The following KHDRBS2 variants were observed in gnomAD, a reference collection of about 807,000 sequenced individuals.
The protein encoded by KHDRBS2 is KH domain-containing, RNA-binding, signal transduction-associated protein 2.
Under a neutral mutation model 44.3 loss-of-function variants are expected in KHDRBS2, and 26 were observed. The ratio of observed to expected loss-of-function variants is 0.59; its 90% CI spans 0.43 to 0.81. The LOEUF is 0.81. Ranked by LOEUF, KHDRBS2 falls within the 40% of genes least tolerant of loss-of-function variation. The pLI is 0.00. For synonymous variants in KHDRBS2, 194 were observed against 151.1 expected (o/e 1.28, Z -2.08); for missense variants, 476 against 433.1 (o/e 1.10, Z -0.88).
chr6:61,895,612 C>A (rs1802798315), intron 5 of KHDRBS2, among the ~76,000 whole-genome samples: 1 of 152,156 alleles, frequency 6.6e-6, no homozygotes, highest in Non-Finnish European at 1.5e-5. Context: ...AGTGTAAGAT[C>A]AAATGGTTGT....
chr6:61,805,930 A>G (rs979118990), intron 6 of KHDRBS2, among the ~76,000 whole-genome samples: 3 of 152,190 alleles, frequency 2.0e-5, no homozygotes, highest in African/African-American at 7.2e-5. Flanking sequence ...AGAGAGGAAC[A>G]TAGAGGCAGT....
chr6:61,734,369 T>A (rs1420194727), intron 6 of KHDRBS2, among the ~76,000 whole-genome samples: 1 of 152,146 alleles, frequency 6.6e-6, no homozygotes, highest in Non-Finnish European at 1.5e-5. Flanking sequence ...ACAAACAAGC[T>A]TATGTCCCCA....
intron 2 of KHDRBS2, among the ~76,000 whole-genome samples, chr6:62,118,624 G>A (rs1806862538): frequency 6.6e-6 from 1 of 152,134 alleles, no homozygotes; most frequent in Non-Finnish European, 1.5e-5. Flanking sequence ...ACTAGGAGAG[G>A]AAGACCTACC....
intron 7 of KHDRBS2, among the ~76,000 whole-genome samples, chr6:61,711,665 A>AT (rs377130938): frequency 1.1e-3 from 171 of 151,716 alleles, no homozygotes; most frequent in African/African-American, 3.9e-3. Flanking sequence ...TAATAGTGCC[A>AT]TTTTTTTGTG....
the KHDRBS2 span, among the ~76,000 whole-genome samples, chr6:61,645,275 AC>A: frequency 1.3e-5 from 2 of 152,060 alleles, no homozygotes; most frequent in Non-Finnish European, 2.9e-5. Flanking sequence ...GAACATATGG[AC>A]ACATAGAATG....
chr6:62,219,640 T>G (rs1248477071), intron 1 of KHDRBS2, among the ~76,000 whole-genome samples: 1 of 151,222 alleles, frequency 6.6e-6, no homozygotes, highest in Non-Finnish European at 1.5e-5. Flanking sequence ...GGAATCGATA[T>G]TAGATAATAT....
chr6:61,738,131 C>A (rs532175826), intron 6 of KHDRBS2, among the ~76,000 whole-genome samples: 13 of 152,044 alleles, frequency 8.6e-5, no homozygotes, highest in Middle Eastern at 3.4e-3. Context: ...CATGTCCTGG[C>A]TTATTAGTAT....
intron 3 of KHDRBS2, among the ~76,000 whole-genome samples, chr6:61,986,473 G>C (rs879395984): frequency 1.1e-4 from 16 of 152,112 alleles, no homozygotes; most frequent in Non-Finnish European, 2.2e-4. Flanking sequence ...TATTGGTTTA[G>C]TTATTAAGTT....
intron 2 of KHDRBS2, among the ~76,000 whole-genome samples, chr6:62,087,980 G>T (rs1406779077): frequency 6.6e-6 from 1 of 151,826 alleles, no homozygotes; most frequent in East Asian, 1.9e-4. Flanking sequence ...CTGCTTTATC[G>T]ATTTGGCTAT....
chr6:61,680,964 C>G lies in KHDRBS2; in HGVS notation c.1049G>C (p.Ter350SerextTer38). 1.2e-6 allele frequency: 2 copies of G among 1,601,888 alleles called. No homozygotes were observed. The highest frequency in any genetic ancestry group is 1.7e-6 in the Non-Finnish European group (2 of 1,170,712). The change falls in exon 9 of 9, where the codon TGA (stop) becomes TCA (serine). Residue 350 changes from the stop codon to serine (S), a stop_lost. Coordinates refer to ENST00000281156, the MANE Select transcript of KHDRBS2 (RefSeq NM_152688.4). ...GYREHPYGRY[*>S] ...TGAGGTCACAGGTGGGAAGGACCTTCAATATCTACCATAGGGGTGTTCCCT... is the reference window on the plus strand; with the variant it reads ...TGAGGTCACAGGTGGGAAGGACCTTGAATATCTACCATAGGGGTGTTCCCT...
intron 1 of KHDRBS2, among the ~76,000 whole-genome samples, chr6:62,228,793 A>T (rs1832372620): frequency 6.6e-6 from 1 of 152,124 alleles, no homozygotes; most frequent in Non-Finnish European, 1.5e-5. Flanking sequence ...TTATTTACCC[A>T]GGAGTCATTC....
chr6:62,175,892 A>G (rs1465002562), intron 2 of KHDRBS2, among the ~76,000 whole-genome samples: 1 of 151,482 alleles, frequency 6.6e-6, no homozygotes, highest in Non-Finnish European at 1.5e-5. Flanking sequence ...TAATTTGATC[A>G]GAGACTATAG....
intron 2 of KHDRBS2, among the ~76,000 whole-genome samples, chr6:62,091,001 T>C (rs1799390777): frequency 6.6e-6 from 1 of 152,162 alleles, no homozygotes; most frequent in African/African-American, 2.4e-5. Flanking sequence ...CCACAACCTA[T>C]GGGTGACACT....
At chr6:61,712,326 G>C (rs1232617151) in intron 7 of KHDRBS2, among the ~76,000 whole-genome samples, 1 of 151,868 alleles carries the variant, frequency 6.6e-6, no homozygotes, top group Non-Finnish European at 1.5e-5. Context: ...CGCATTCTGG[G>C]TTGGATATTG....
intron 5 of KHDRBS2, among the ~76,000 whole-genome samples, chr6:61,895,562 CTG>C (rs1234478849): frequency 1.3e-5 from 2 of 152,188 alleles, no homozygotes; most frequent in Non-Finnish European, 2.9e-5. Context: ...ACTGAATACT[CTG>C]TATTGCAGTT....
At chr6:61,621,305 A>G in the KHDRBS2 span, among the ~76,000 whole-genome samples, 2 of 152,234 alleles carry the variant, frequency 1.3e-5, no homozygotes, top group Non-Finnish European at 2.9e-5. Context: ...GCCTACACAG[A>G]TGGTGGAGTC....
chr6:62,156,413 T>A (rs1816387658), intron 2 of KHDRBS2, among the ~76,000 whole-genome samples: 3 of 152,146 alleles, frequency 2.0e-5, no homozygotes, highest in African/African-American at 7.2e-5. Context: ...AGACTTAGAT[T>A]GAACTAAAAG....
At chr6:62,092,293 C>A (rs908635477) in intron 2 of KHDRBS2, among the ~76,000 whole-genome samples, 2 of 152,032 alleles carry the variant, frequency 1.3e-5, no homozygotes, top group Non-Finnish European at 2.9e-5. Context: ...ACAAAGAGAC[C>A]TATCAAATCA....
At chr6:62,046,905 G>C (rs752635252) in intron 3 of KHDRBS2, among the ~76,000 whole-genome samples, 11 of 151,756 alleles carry the variant, frequency 7.2e-5, no homozygotes, top group Non-Finnish European at 1.5e-4. Context: ...TTCTAAGAAA[G>C]CACCCAAATG....
Sources: allele counts gnomAD v4.1 joint callset (sites outside exome capture counted in the v4.1 genomes callset), GRCh38; gene constraint gnomAD v4.1.1; transcripts MANE v1.5; gene names NCBI Gene and HGNC (gene_info 2026-07-23, HGNC 2026-07-21).